The following DNAJC5 variants were observed in gnomAD, a reference collection of about 807,000 sequenced individuals.
DNAJC5 encodes the protein DnaJ heat shock protein family (Hsp40) member C5, also known as dnaJ homolog subfamily C member 5.
A neutral mutation model predicts 23.2 loss-of-function variants in DNAJC5; 1 was observed. The observed-to-expected ratio is 0.04, with a 90% CI of 0.02 to 0.20. The LOEUF is 0.20. DNAJC5 is among the 10% of genes least tolerant of loss of function. The pLI is 1.00. For synonymous variants in DNAJC5, 136 were observed against 120.0 expected (o/e 1.13, Z -0.87); for missense variants, 180 against 267.0 (o/e 0.67, Z 2.27).
chr20:63,909,873 G>A (rs910925502), intron 1 of DNAJC5, among the ~76,000 whole-genome samples: 13 of 152,222 alleles, frequency 8.5e-5, no homozygotes, highest in South Asian at 2.1e-4. Context: ...AGAATCCTGC[G>A]GATTTAGTAT....
chr20:63,897,660 C>G (rs903458445), intron 1 of DNAJC5, among the ~76,000 whole-genome samples: 1 of 152,236 alleles, frequency 6.6e-6, no homozygotes, highest in Non-Finnish European at 1.5e-5. Flanking sequence ...ACCCTACATG[C>G]TAGTCCTTAT....
chr20:63,914,958 T>C (rs1232209054), intron 1 of DNAJC5, among the ~76,000 whole-genome samples: 1 of 152,196 alleles, frequency 6.6e-6, no homozygotes, highest in Admixed American at 6.5e-5. Context: ...TGGCCTCAGA[T>C]AATTTCAGAG....
rs1433028087 is a variant in DNAJC5 at position 63,932,268 on chromosome 20, T to A, written c.*700T>A. 2 of 154,224 alleles carry A rather than the reference T, an allele frequency of 1.3e-5. No individual in the cohort carries two copies. Among genetic ancestry groups the A allele is most frequent in the African/African-American group, 4.8e-5 (2 of 41,312 alleles). 9.6% of individuals were successfully genotyped at this position (154,224 alleles called of 1,614,324 possible). A position where few individuals can be genotyped will look rare whatever the true frequency, so the allele number is the denominator to read the frequency against. On this transcript the variant is annotated 3_prime_UTR_variant, in exon 5 of 5. Transcript: ENST00000360864. The surrounding 1 kb of genome is among the most constrained non-coding windows in gnomAD (Gnocchi z 4.4). ...GAGGCCCCTTCCGAGGTTGACACCG[T>A]GTCCTCCGCGGTGTTTCTCGCCTGG...
chr20:63,926,623 C>A (rs544127839), intron 1 of DNAJC5, among the ~76,000 whole-genome samples: 1 of 152,238 alleles, frequency 6.6e-6, no homozygotes, highest in Non-Finnish European at 1.5e-5. Context: ...TTGAGGAAAG[C>A]AGTGGGATAA....
chr20:63,929,687 C>T lies in DNAJC5; in HGVS notation c.321+162C>T, dbSNP rs972372661. On this transcript the variant is annotated intron_variant, in intron 3 of 4. Transcript: ENST00000360864. The surrounding 1 kb of genome is among the most constrained non-coding windows in gnomAD (Gnocchi z 8.6). ...GAGTCTCTCCTGCCGTGCGGGCACCCGAGTCACTCCTGCCGTGCGGGCGCC... is the reference window on the plus strand; with the variant it reads ...GAGTCTCTCCTGCCGTGCGGGCACCTGAGTCACTCCTGCCGTGCGGGCGCC... Among the ~76,000 whole-genome samples, 10 of 148,732 alleles carry T rather than the reference C, an allele frequency of 6.7e-5. 1 individual carries two copies. Among genetic ancestry groups the T allele is most frequent in the Non-Finnish European group, 8.9e-5 (6 of 67,222 alleles).
chr20:63,899,783 G>GATCA, intron 1 of DNAJC5, among the ~76,000 whole-genome samples: 1 of 151,802 alleles, frequency 6.6e-6, no homozygotes, highest in East Asian at 1.9e-4. Flanking sequence ...GGGTTTCGCG[G>GATCA]TGTTAGCCAG....
Position 63,920,736 on chromosome 20 carries a change from G to A in DNAJC5, c.-11-7599G>A, listed in dbSNP as rs1482084646. 6.6e-6 allele frequency among the ~76,000 whole-genome samples: 1 copy of A among 152,154 alleles called. No individual in the cohort carries two copies. The highest frequency in any genetic ancestry group is 6.5e-5 in the Admixed American group (1 of 15,278). On this transcript the variant is annotated intron_variant, in intron 1 of 4. Coordinates refer to ENST00000360864, the MANE Select transcript of DNAJC5 (RefSeq NM_025219.3). This position sits in a 1 kb window ranked among gnomAD's most constrained non-coding sequence, Gnocchi z 4.6. ...TCTGTCACCCAGGCTGGAGTGCAGT[G>A]GTGAGATCTCGGCTCACTGCAACCT... is the stretch of plus-strand genomic sequence containing the variant.
intron 1 of DNAJC5, among the ~76,000 whole-genome samples, chr20:63,899,880 C>CTTTTT (rs1206952926): frequency 8.7e-6 from 1 of 114,782 alleles, no homozygotes; most frequent in Non-Finnish European, 1.9e-5. Flanking sequence ...TGCGCCTGGG[C>CTTTTT]TTTTTTTTTT....
intron 1 of DNAJC5, among the ~76,000 whole-genome samples, chr20:63,897,666 C>T (rs1285870802): frequency 6.6e-6 from 1 of 152,170 alleles, no homozygotes; most frequent in Non-Finnish European, 1.5e-5. Flanking sequence ...CATGCTAGTC[C>T]TTATACTCCG....
intron 1 of DNAJC5, among the ~76,000 whole-genome samples, chr20:63,927,683 TATTAAA>T (rs1454232075): frequency 6.6e-6 from 1 of 152,240 alleles, no homozygotes; most frequent in Non-Finnish European, 1.5e-5. Flanking sequence ...TCTGAGAAAG[TATTAAA>T]ATTAAAGTTG....
chr20:63,929,191 G>A lies in DNAJC5; in HGVS notation c.108-121G>A. The A allele has an allele frequency of 8.6e-7, 1 of 1,157,472 alleles. No individual in the cohort carries two copies. The highest frequency in any genetic ancestry group is 2.6e-5 in the East Asian group (1 of 39,020). The allele number at this position is 1,157,472 out of a possible 1,614,324, so 71.7% of individuals were successfully genotyped here. A position where few individuals can be genotyped will look rare whatever the true frequency, so the allele number is the denominator to read the frequency against. On this transcript the variant is annotated intron_variant, in intron 2 of 4. Transcript: ENST00000360864. This position sits in a 1 kb window ranked among gnomAD's most constrained non-coding sequence, Gnocchi z 8.6. ...CAGCCCTGGAGAGTCGGACAGTGAG[G>A]TGGCCTGGGTGGACCTGCCTTCCAC...
In DNAJC5 at chr20:63,928,506, T is replaced by C; in HGVS notation, c.107+54T>C. On this transcript the variant is annotated intron_variant, in intron 2 of 4. Coordinates refer to ENST00000360864, the MANE Select transcript of DNAJC5 (RefSeq NM_025219.3). The surrounding 1 kb of genome is among the most constrained non-coding windows in gnomAD (Gnocchi z 4.6). ...CCCCCAGGAAGACACACATGCCCCG[T>C]GTGGTTTAGTCTGCATTTTACCAAG... The C allele has an allele frequency of 6.8e-7, 1 of 1,460,040 alleles. No individual in the cohort carries two copies. The highest frequency in any genetic ancestry group is 9.6e-7 in the Non-Finnish European group (1 of 1,041,200). 90.4% of individuals were successfully genotyped at this position (1,460,040 alleles called of 1,614,324 possible).
chr20:63,921,732 C>G (rs1284391219), intron 1 of DNAJC5, among the ~76,000 whole-genome samples: 2 of 152,140 alleles, frequency 1.3e-5, no homozygotes, highest in Non-Finnish European at 2.9e-5. Context: ...GCACACCAGG[C>G]CTCTCCTTTA....
chr20:63,918,211 C>T (rs1237590219), intron 1 of DNAJC5, among the ~76,000 whole-genome samples: 1 of 152,066 alleles, frequency 6.6e-6, no homozygotes, highest in Non-Finnish European at 1.5e-5. Flanking sequence ...ATCTTAGGAA[C>T]GTAGGCGTTT....
At chr20:63,927,588 G>A (rs2053627417) in intron 1 of DNAJC5, among the ~76,000 whole-genome samples, 1 of 152,092 alleles carries the variant, frequency 6.6e-6, no homozygotes, top group African/African-American at 2.4e-5. Context: ...GATGTTGGGT[G>A]TTCTGTGAAG....
At chr20:63,904,938 G>A (rs547243779) in intron 1 of DNAJC5, among the ~76,000 whole-genome samples, 7 of 151,536 alleles carry the variant, frequency 4.6e-5, no homozygotes, top group African/African-American at 1.7e-4. Flanking sequence ...AGAGTAGCTG[G>A]GATTACAGGT....
intron 1 of DNAJC5, among the ~76,000 whole-genome samples, chr20:63,921,002 C>G (rs1186892219): frequency 6.6e-6 from 1 of 152,054 alleles, no homozygotes; most frequent in Non-Finnish European, 1.5e-5. Context: ...TATTGTTACG[C>G]AGACTGGAGT....
rs747892660 is a variant in DNAJC5 at position 63,929,384 on chromosome 20, C to A, written c.180C>A (p.Ile60=). 1.9e-6 allele frequency: 3 copies of A among 1,614,166 alleles called. No homozygotes were observed. Among genetic ancestry groups the A allele is most frequent in the Non-Finnish European group, 2.5e-6 (3 of 1,180,044 alleles). ...NPEAADKFKE[I]NNAHAILTDA... ...AGGCCGCGGACAAGTTTAAGGAGAT[C>A]AACAACGCGCACGCCATCCTCACGG... The change falls in exon 3 of 5, where the codon ATC becomes ATA. Residue 60 remains isoleucine, a synonymous_variant. Coordinates refer to ENST00000360864, the MANE Select transcript of DNAJC5 (RefSeq NM_025219.3). This position sits in a 1 kb window ranked among gnomAD's most constrained non-coding sequence, Gnocchi z 8.6.
chr20:63,927,233 TTTG>T (rs2053623861), intron 1 of DNAJC5, among the ~76,000 whole-genome samples: 1 of 152,072 alleles, frequency 6.6e-6, no homozygotes, highest in South Asian at 2.1e-4. Context: ...ACAATGTGTA[TTTG>T]CCAGGCGCTG....
Sources: allele counts gnomAD v4.1 joint callset (sites outside exome capture counted in the v4.1 genomes callset), GRCh38; gene constraint gnomAD v4.1.1; non-coding constraint Gnocchi (gnomAD v3.1); transcripts MANE v1.5; gene names NCBI Gene and HGNC (gene_info 2026-07-23, HGNC 2026-07-21).